The following FMO4 variants were observed in gnomAD, a reference collection of about 807,000 sequenced individuals.
The protein encoded by FMO4 is flavin containing dimethylaniline monoxygenase 4.
In FMO4, 38 loss-of-function variants were observed where a neutral mutation model predicts 43.3. The ratio of observed to expected loss-of-function variants is 0.88; its 90% CI spans 0.68 to 1.15. FMO4 has a LOEUF of 1.15. Ranked by LOEUF, FMO4 falls within the 50% of genes most tolerant of loss-of-function variation. The pLI is 0.00. For synonymous variants in FMO4, 224 were observed against 232.2 expected (o/e 0.96, Z 0.32); for missense variants, 631 against 663.3 (o/e 0.95, Z 0.54).
intron 2 of FMO4, among the ~76,000 whole-genome samples, chr1:171,318,846 GC>G (rs1331463752): frequency 3.3e-5 from 5 of 152,098 alleles, no homozygotes; most frequent in Admixed American, 1.3e-4. Flanking sequence ...AGTTCCCTGA[GC>G]CCCCGCAGAA....
At chr1:171,339,671 A>C (rs1263571499) in intron 9 of FMO4, among the ~76,000 whole-genome samples, 1 of 152,214 alleles carries the variant, frequency 6.6e-6, no homozygotes, top group African/African-American at 2.4e-5. Flanking sequence ...AAAAGTGCTA[A>C]GGCTGATGCC....
At position 171,341,955 on chromosome 1, in the gene FMO4, C is replaced by T. The variant is rs1663396328; in HGVS notation, c.*116C>T. 1 of 716,392 alleles carries T rather than the reference C, an allele frequency of 1.4e-6. No homozygotes were observed. Among genetic ancestry groups the T allele is most frequent in the African/African-American group, 1.8e-5 (1 of 56,006 alleles). 44.4% of individuals were successfully genotyped at this position (716,392 alleles called of 1,614,324 possible). A position where few individuals can be genotyped will look rare whatever the true frequency, so the allele number is the denominator to read the frequency against. On this transcript the variant is annotated 3_prime_UTR_variant, in exon 10 of 10. Coordinates refer to ENST00000367749, the MANE Select transcript of FMO4 (RefSeq NM_002022.3). ...ATTAGCCAAATTCAGGCCCAGTCAT[C>T]TCCTATCTGAATTATTGTATTATCT... is the stretch of plus-strand genomic sequence containing the variant.
chr1:171,329,784 C>T (rs562204394), intron 5 of FMO4, among the ~76,000 whole-genome samples: 2 of 152,310 alleles, frequency 1.3e-5, no homozygotes, highest in South Asian at 2.1e-4. Context: ...GAGGCTAAGT[C>T]AGAATCACAA....
intron 5 of FMO4, among the ~76,000 whole-genome samples, chr1:171,331,172 TTTTA>T (rs759023117): frequency 6.6e-6 from 1 of 152,180 alleles, no homozygotes. Context: ...AACCTACTGT[TTTTA>T]TTTGTTTGTT....
At chr1:171,326,848 C>T (rs1662687910) in intron 5 of FMO4, among the ~76,000 whole-genome samples, 1 of 152,210 alleles carries the variant, frequency 6.6e-6, no homozygotes, top group Non-Finnish European at 1.5e-5. Flanking sequence ...ACTTGCATTC[C>T]TCAGATAAAG....
In FMO4 at chr1:171,332,892, TTAAG is replaced by T. The variant is rs1427197404; in HGVS notation, c.814_817del (p.Ser272LeufsTer11). The T allele has an allele frequency of 9.3e-6, 13 of 1,394,938 alleles. No individual in the cohort carries two copies. The highest frequency in any genetic ancestry group is 1.3e-5 in the Non-Finnish European group (13 of 980,294). The allele number at this position is 1,394,938 out of a possible 1,614,324, so 86.4% of individuals were successfully genotyped here. A position where few individuals can be genotyped will look rare whatever the true frequency, so the allele number is the denominator to read the frequency against. ...GAGATTTAATCATGAGGATTATGGATTAAGTATTACCAAAGGGTACTTACATTTT... is the reference window on the plus strand; with the variant it reads ...GAGATTTAATCATGAGGATTATGGATTATTACCAAAGGGTACTTACATTTT... On this transcript the variant is annotated frameshift_variant, in exon 7 of 10. Coordinates refer to ENST00000367749, the MANE Select transcript of FMO4 (RefSeq NM_002022.3). LOFTEE classifies it high-confidence loss of function.
At chr1:171,328,705 T>G (rs959587189) in intron 5 of FMO4, among the ~76,000 whole-genome samples, 5 of 151,896 alleles carry the variant, frequency 3.3e-5, no homozygotes, top group Non-Finnish European at 7.4e-5. Flanking sequence ...CTCACATTCC[T>G]TAGACCTTAG....
chr1:171,324,308 A>G lies in FMO4; in HGVS notation c.484+8A>G. On this transcript the variant is annotated splice_region_variant and intron_variant, in intron 5 of 9. Transcript: ENST00000367749. Reference sequence around the variant, plus strand: ...CTTTGGAAGCCTTTCCTGGTGAGTCATTTCTACCTGAGACCATGCCTATGC... The same window carrying G: ...CTTTGGAAGCCTTTCCTGGTGAGTCGTTTCTACCTGAGACCATGCCTATGC... 1 of 1,598,980 alleles carries G rather than the reference A, an allele frequency of 6.3e-7. No homozygotes were observed. Among genetic ancestry groups the G allele is most frequent in the Non-Finnish European group, 8.5e-7 (1 of 1,172,208 alleles).
At chr1:171,323,670 A>G (rs905847346) in intron 4 of FMO4, among the ~76,000 whole-genome samples, 2 of 152,176 alleles carry the variant, frequency 1.3e-5, no homozygotes, top group African/African-American at 4.8e-5. Flanking sequence ...TCTCAAAAAT[A>G]AAATAAAATG....
chr1:171,324,009 A>C, intron 4 of FMO4, 129 bp from the exon 5 acceptor site: 1 of 758,878 alleles, frequency 1.3e-6, no homozygotes, highest in South Asian at 3.2e-5. Context: ...GAAGATGATA[A>C]ATCAATATTA....
intron 5 of FMO4, among the ~76,000 whole-genome samples, chr1:171,328,676 G>A (rs1399747315): frequency 6.6e-6 from 1 of 151,916 alleles, no homozygotes; most frequent in African/African-American, 2.4e-5. Flanking sequence ...TTCTTTGAGG[G>A]TGGGAACTGC....
chr1:171,324,079 G>A lies in FMO4; in HGVS notation c.322-59G>A, dbSNP rs141479856. The A allele has an allele frequency of 2.7e-4, 395 of 1,460,916 alleles. 2 individuals are homozygous for A. The African/African-American group carries it at 4.9e-3, about 18-fold the overall frequency. 90.5% of individuals were successfully genotyped at this position (1,460,916 alleles called of 1,614,324 possible). ...AGTAACAGACATGGTTACCACACCA[G>A]TCATTGCATGAGGTCCAAGGGTGTT... On this transcript the variant is annotated intron_variant, in intron 4 of 9. Transcript: ENST00000367749.
intron 8 of FMO4, among the ~76,000 whole-genome samples, chr1:171,335,744 G>C (rs367909939): frequency 6.6e-6 from 1 of 152,202 alleles, no homozygotes; most frequent in East Asian, 1.9e-4. Flanking sequence ...TATTTGAATG[G>C]GGGGAGGGGA....
intron 1 of FMO4, among the ~76,000 whole-genome samples, chr1:171,315,841 C>CTAGG (rs1219797061): frequency 6.6e-5 from 10 of 152,192 alleles, no homozygotes; most frequent in Admixed American, 6.5e-4. Context: ...GTGTCACTAA[C>CTAGG]TAGGTCTCTA....
At chr1:171,323,649 G>A (rs1315897753) in intron 4 of FMO4, among the ~76,000 whole-genome samples, 1 of 152,158 alleles carries the variant, frequency 6.6e-6, no homozygotes, top group Non-Finnish European at 1.5e-5. Context: ...GGGCCACAGA[G>A]TGAGACTCCA....
chr1:171,340,360 T>A (rs1469452551), intron 9 of FMO4, among the ~76,000 whole-genome samples: 2 of 152,210 alleles, frequency 1.3e-5, no homozygotes, highest in Non-Finnish European at 2.9e-5. Flanking sequence ...TTGCAATAAC[T>A]TCTATATTTT....
intron 7 of FMO4, chr1:171,333,132 A>G (rs1662971620): frequency 5.3e-6 from 2 of 376,040 alleles, no homozygotes; most frequent in Non-Finnish European, 9.5e-6. Flanking sequence ...GAAGAAAATA[A>G]AAGATGAAAA....
chr1:171,321,883 C>T (rs1420968507), intron 3 of FMO4, among the ~76,000 whole-genome samples: 1 of 152,076 alleles, frequency 6.6e-6, no homozygotes, highest in Non-Finnish European at 1.5e-5. Context: ...GCAGCAGGGC[C>T]GCATCAGCTA....
intron 2 of FMO4, 23 bp downstream of exon 2, chr1:171,316,350 A>C (rs1233448840): frequency 1.3e-5 from 2 of 152,158 alleles, no homozygotes; most frequent in African/African-American, 4.8e-5. Context: ...ACTCCTTTCC[A>C]AACTTGTTGA....
Sources: gnomAD v4.1 joint callset for allele counts (sites outside exome capture counted in the v4.1 genomes callset) on GRCh38, gnomAD v4.1.1 for gene constraint, MANE v1.5 for transcripts, NCBI Gene and HGNC (gene_info 2026-07-23, HGNC 2026-07-21) for gene names.